THADA: variants seen among roughly 807,000 people sequenced by gnomAD.
The protein encoded by THADA is THADA armadillo repeat containing, also known as tRNA (32-2'-O)-methyltransferase regulator THADA.
In THADA, 213 loss-of-function variants were observed where a neutral mutation model predicts 219.8. The observed-to-expected ratio is 0.97, with a 90% CI of 0.87 to 1.09. The LOEUF (loss-of-function observed/expected upper bound fraction) is 1.09. Ranked by LOEUF, THADA falls within the 50% of genes least tolerant of loss-of-function variation. THADA has a pLI of 0.00. For missense variants in THADA, 2,956 were observed against 2,311.3 expected (o/e 1.28, Z -5.72); for synonymous variants, 1,018 against 828.9 (o/e 1.23, Z -3.92).
At chr2:43,531,071 C>G (rs1387591781) in intron 21 of THADA, among the ~76,000 whole-genome samples, 1 of 152,172 alleles carries the variant, frequency 6.6e-6, no homozygotes, top group East Asian at 1.9e-4. Flanking sequence ...CAGCTTAATG[C>G]TGTGGTAGAT....
At chr2:43,589,952 T>C (rs912935517) in intron 4 of THADA, among the ~76,000 whole-genome samples, 9 of 152,216 alleles carry the variant, frequency 5.9e-5, no homozygotes, top group Admixed American at 3.9e-4. Context: ...AGACATTCTT[T>C]AGTGAAAAAA....
In THADA at chr2:43,344,175, G is replaced by A. The variant is rs368216632; in HGVS notation, c.4290C>T (p.His1430=). The A allele has an allele frequency of 2.3e-5, 37 of 1,612,576 alleles. No homozygotes were observed. In the East Asian group the frequency reaches 2.7e-4, roughly 12 times the overall value. ...TACAAACAGTGATGTCAGTCAGCTC[G>A]TGCTGGAAGTCTGAATTCGTTCCGT... is the stretch of plus-strand genomic sequence containing the variant. ...SKHGTNSDFQ[H]ELTDITVCTK... The change falls in exon 30 of 38, where the codon CAC becomes CAT. Residue 1430 remains histidine, a synonymous_variant. Transcript: ENST00000405975.
intron 29 of THADA, among the ~76,000 whole-genome samples, chr2:43,389,483 G>C (rs917784812): frequency 1.3e-5 from 2 of 152,072 alleles, no homozygotes; most frequent in African/African-American, 4.8e-5. Flanking sequence ...TAATAAAACA[G>C]GATGCGATAA....
chr2:43,356,290 AAAG>A (rs1258015987), intron 29 of THADA, among the ~76,000 whole-genome samples: 1 of 152,182 alleles, frequency 6.6e-6, no homozygotes, highest in Non-Finnish European at 1.5e-5. Context: ...CAGACGGAGA[AAAG>A]AATCAAATGT....
At chr2:43,423,625 G>C (rs1678021586) in intron 28 of THADA, among the ~76,000 whole-genome samples, 1 of 152,018 alleles carries the variant, frequency 6.6e-6, no homozygotes, top group South Asian at 2.1e-4. Flanking sequence ...GTAGAGACGA[G>C]GTTTCACCGT....
rs774165221 is a variant in THADA at position 43,293,113 on chromosome 2, G to C, written c.4539C>G (p.Pro1513=). The part of the protein sequence containing the change: ...FPWAFKVPGL[P]QYLQSLTRLA... ...GTCTGGTGAGGCTCTGGAGGTACTG[G>C]GGCAGGCCTGGCACCTTGAAGGCCC... The change falls in exon 32 of 38, where the codon CCC becomes CCG. Residue 1513 remains proline (P), a synonymous_variant. Transcript: ENST00000405975. The C allele has an allele frequency of 6.2e-7, 1 of 1,613,874 alleles. No homozygotes were observed. The highest frequency in any genetic ancestry group is 8.5e-7 in the Non-Finnish European group (1 of 1,179,914).
chr2:43,375,647 T>C (rs962869609), intron 29 of THADA, among the ~76,000 whole-genome samples: 1 of 152,208 alleles, frequency 6.6e-6, no homozygotes, highest in African/African-American at 2.4e-5. Context: ...TTGTAAATGT[T>C]TTCTTTTTCT....
chr2:43,591,940 A>T lies in THADA; in HGVS notation c.171+12T>A. On this transcript the variant is annotated intron_variant, in intron 3 of 37. Transcript: ENST00000405975. ...CTTAAAGATGCATCCATGAATATCA[A>T]TTCAGACTTACCTGTTTAATATAAT... 6.7e-7 allele frequency: 1 copy of T among 1,494,978 alleles called. No individual in the cohort carries two copies. Among genetic ancestry groups the T allele is most frequent in the East Asian group, 2.4e-5 (1 of 41,192 alleles). The allele number at this position is 1,494,978 out of a possible 1,614,324, so 92.6% of individuals were successfully genotyped here. A position where few individuals can be genotyped will look rare whatever the true frequency, so the allele number is the denominator to read the frequency against.
At position 43,361,192 on chromosome 2, in the gene THADA, C is replaced by A. The variant is rs549554074; in HGVS notation, c.4228-16955G>T. 1.9e-4 allele frequency among the ~76,000 whole-genome samples: 29 copies of A among 152,288 alleles called. 1 individual carries two copies. In the South Asian group the frequency reaches 5.6e-3, roughly 29 times the overall value. ...GCTGAGGGTGAGAAACCCTGGCCTA[C>A]TATCATATCACGGGCTTTGTAGTCA... On this transcript the variant is annotated intron_variant, in intron 29 of 37. Coordinates refer to ENST00000405975, the MANE Select transcript of THADA (RefSeq NM_022065.5).
In THADA at chr2:43,231,262, G is replaced by T; in HGVS notation, c.5548C>A (p.His1850Asn). 1 of 1,609,746 alleles carries T rather than the reference G, an allele frequency of 6.2e-7. No individual in the cohort carries two copies. The highest frequency in any genetic ancestry group is 1.3e-5 in the African/African-American group (1 of 74,740). ...TLIFVKYLCK[H>N]LFCLLSKSGW... ...GACTTTGAGAGGAGACAGAAGAGGT[G>T]CTTGCAGAGGTATTTCACAAAGATC... Residue 1850 changes from histidine to asparagine, a missense_variant, in exon 38 of 38, where the codon CAC becomes AAC. Coordinates refer to ENST00000405975, the MANE Select transcript of THADA (RefSeq NM_022065.5).
chr2:43,490,167 T>C (rs573629298), intron 25 of THADA, among the ~76,000 whole-genome samples: 2 of 152,232 alleles, frequency 1.3e-5, no homozygotes, highest in Non-Finnish European at 2.9e-5. Context: ...TCACTGCTAG[T>C]GTACAATTTC....
At chr2:43,234,662 C>A (rs1223946238) in intron 36 of THADA, among the ~76,000 whole-genome samples, 1 of 152,076 alleles carries the variant, frequency 6.6e-6, no homozygotes, top group Non-Finnish European at 1.5e-5. Flanking sequence ...TTCCCTTCAA[C>A]TTTTATTGAT....
chr2:43,294,463 T>C (rs774653325), intron 31 of THADA, among the ~76,000 whole-genome samples: 4 of 152,152 alleles, frequency 2.6e-5, no homozygotes, highest in Non-Finnish European at 5.9e-5. Context: ...ACGGACCATG[T>C]GGGGAACTAC....
At chr2:43,238,789 G>A (rs1668325500) in intron 36 of THADA, among the ~76,000 whole-genome samples, 1 of 152,134 alleles carries the variant, frequency 6.6e-6, no homozygotes, top group South Asian at 2.1e-4. Context: ...CCACAAAAGG[G>A]AATGAAGAAG....
chr2:43,571,586 C>G lies in THADA; in HGVS notation c.2064+121G>C, dbSNP rs111413513. The G allele has an allele frequency of 1.8e-4, 160 of 910,748 alleles. 2 individuals carry two copies. In the African/African-American group the frequency reaches 2.3e-3, roughly 13 times the overall value. 56.4% of individuals were successfully genotyped at this position (910,748 alleles called of 1,614,324 possible). The stretch of plus-strand genomic sequence containing the variant: ...CAGGTCACAGAACGGCCGTCATGAA[C>G]AGATGTGGTAGCCCAATTCCATGAC... On this transcript the variant is annotated intron_variant, in intron 13 of 37. Coordinates refer to ENST00000405975, the MANE Select transcript of THADA (RefSeq NM_022065.5).
At chr2:43,268,117 G>A (rs1188079795) in intron 36 of THADA, among the ~76,000 whole-genome samples, 1 of 152,182 alleles carries the variant, frequency 6.6e-6, no homozygotes, top group African/African-American at 2.4e-5. Flanking sequence ...CTCTGCTCCT[G>A]TAGATCAGCC....
rs60448094 is a variant in THADA, at chr2:43,501,307, CAAAAAAAAAAAAAAAAAAA to C, written c.3622-2371_3622-2353del. On this transcript the variant is annotated intron_variant, in intron 24 of 37. Transcript: ENST00000405975. Reference sequence around the variant, plus strand: ...GGCAACAAAAGCGAAACTCCAACTCCAAAAAAAAAAAAAAAAAAAAAAAAAAAAAAAAGAGAGACTTTTA... The same window carrying C: ...GGCAACAAAAGCGAAACTCCAACTCCAAAAAAAAAAAAAGAGAGACTTTTA... Among the ~76,000 whole-genome samples the C allele has an allele frequency of 5.6e-3, 84 of 15,080 alleles. 3 individuals are homozygous for C. Among genetic ancestry groups the C allele is most frequent in the Middle Eastern group, 0.091 (2 of 22 alleles). The allele number at this position is 15,080 out of a possible 152,430, so 9.9% of individuals were successfully genotyped here. A position where few individuals can be genotyped will look rare whatever the true frequency, so the allele number is the denominator to read the frequency against.
At chr2:43,411,009 C>T (rs1234998807) in intron 28 of THADA, among the ~76,000 whole-genome samples, 2 of 152,208 alleles carry the variant, frequency 1.3e-5, no homozygotes, top group African/African-American at 4.8e-5. Flanking sequence ...ACAAGCCCAG[C>T]TATTTCCTTT....
intron 20 of THADA, among the ~76,000 whole-genome samples, chr2:43,543,732 G>A (rs1695632200): frequency 6.6e-6 from 1 of 152,044 alleles, no homozygotes. Context: ...TTTTTTTCTT[G>A]TAAATTTGTT....
Sources: allele counts gnomAD v4.1 joint callset (sites outside exome capture counted in the v4.1 genomes callset), GRCh38; gene constraint gnomAD v4.1.1; transcripts MANE v1.5; gene names NCBI Gene and HGNC (gene_info 2026-07-23, HGNC 2026-07-21).